Variants in ALK observed in about 807,000 individuals in gnomAD.
ALK encodes ALK tyrosine kinase receptor.
In ALK, 74 loss-of-function variants were observed where a neutral mutation model predicts 163.1. That is an observed-to-expected ratio of 0.45 (90% CI 0.38 to 0.55). The LOEUF (loss-of-function observed/expected upper bound fraction) is 0.55. Among genes scored for constraint, ALK ranks in the 20% least tolerant of loss-of-function variants. The pLI, the probability that ALK is intolerant of heterozygous loss-of-function variation, is 0.00. For synonymous variants in ALK, 960 were observed against 843.2 expected, an observed-to-expected ratio of 1.14 and a Z score of -2.40; for missense variants, 2,063 against 2,105.3, an observed-to-expected ratio of 0.98 and a Z score of 0.39.
chr2:29,920,158 A>G lies in ALK; in HGVS notation c.502T>C (p.Phe168Leu), dbSNP rs1374532256. The change falls in exon 1 of 29, where the codon TTC becomes CTC. Residue 168 changes from phenylalanine to leucine, a missense_variant. By Grantham distance (22) the Phe-to-Leu change is conservative (BLOSUM62 0). Coordinates refer to ENST00000389048, the MANE Select transcript of ALK (RefSeq NM_004304.5). The part of the protein sequence containing the change: ...PGEAAVGLLQ[F>L]NLSELFSWWI... ...CAACTGAACAGCTCGCTGAGATTGA[A>G]CTGGAGCAGCCCCACAGCCGCCTCC... The G allele has an allele frequency of 2.5e-6, 4 of 1,613,546 alleles. No homozygotes were observed. Among genetic ancestry groups the G allele is most frequent in the Non-Finnish European group, 2.5e-6 (3 of 1,180,004 alleles).
At chr2:29,458,383 C>T (rs1410197044) in intron 4 of ALK, among the ~76,000 whole-genome samples, 2 of 152,104 alleles carry the variant, frequency 1.3e-5, no homozygotes, top group Non-Finnish European at 2.9e-5. Context: ...TTACATAGAA[C>T]TTTGAAGCAT....
intron 1 of ALK, among the ~76,000 whole-genome samples, chr2:29,916,913 C>T (rs1409277255): frequency 6.6e-6 from 1 of 152,164 alleles, no homozygotes; most frequent in Non-Finnish European, 1.5e-5. Context: ...CCAGAAACTG[C>T]CTCTTCACCT....
At chr2:29,430,544 C>T (rs1437255223) in intron 4 of ALK, among the ~76,000 whole-genome samples, 1 of 152,078 alleles carries the variant, frequency 6.6e-6, no homozygotes, top group East Asian at 1.9e-4. Context: ...GGCTGTGTTC[C>T]AACAAAATTT....
chr2:29,367,731 AATTT>A (rs1005223870), intron 5 of ALK, among the ~76,000 whole-genome samples: 6 of 152,126 alleles, frequency 3.9e-5, no homozygotes, highest in African/African-American at 1.2e-4. Context: ...CCATTCTTGC[AATTT>A]ATTATTATTG....
At chr2:29,232,264 G>A (rs750402821) in intron 15 of ALK, 40 bp downstream of exon 15, 2 of 1,613,450 alleles carry the variant, frequency 1.2e-6, no homozygotes, top group Admixed American at 1.7e-5. Context: ...CTGAAGGCCT[G>A]GGAGAGGTTC....
chr2:29,227,685 C>T lies in ALK; in HGVS notation c.2816-13G>A. 2 of 1,611,104 alleles carry T rather than the reference C, an allele frequency of 1.2e-6. No homozygotes were observed. The highest frequency in any genetic ancestry group is 3.6e-4 in the Middle Eastern group (2 of 5,600). On this transcript the variant is annotated splice_polypyrimidine_tract_variant and intron_variant, in intron 16 of 28. Transcript: ENST00000389048. This position sits in a 1 kb window ranked among gnomAD's most constrained non-coding sequence, Gnocchi z 4.4. ...GCTGCATTGCCGCCTGAGTAGCAAA[C>T]CAGAGCAGAGTTTAACATGGGGGGT...
intron 11 of ALK, among the ~76,000 whole-genome samples, chr2:29,263,785 G>A (rs1254591570): frequency 6.6e-6 from 1 of 152,216 alleles, no homozygotes. Context: ...TCTCAGAGAT[G>A]TGAGTCTTGA....
chr2:29,589,752 T>A (rs1182733632), intron 3 of ALK, among the ~76,000 whole-genome samples: 2 of 152,080 alleles, frequency 1.3e-5, no homozygotes, highest in Admixed American at 1.3e-4. Context: ...TATGGATGAG[T>A]AACTGTATTT....
intron 13 of ALK, among the ~76,000 whole-genome samples, chr2:29,238,017 G>A (rs555217113): frequency 4.9e-4 from 75 of 152,214 alleles, no homozygotes; most frequent in African/African-American, 1.7e-3. Flanking sequence ...AAAGACGGAG[G>A]GCTGTGTATG....
rs1191864805 is a variant in ALK, at chr2:29,705,281, A to C, written c.788-10267T>G. Among the ~76,000 whole-genome samples, 81 of 27,214 alleles carry C rather than the reference A, an allele frequency of 3.0e-3. 2 individuals are homozygous for C. Among genetic ancestry groups the C allele is most frequent in the African/African-American group, 0.016 (73 of 4,644 alleles). 17.9% of individuals were successfully genotyped at this position (27,214 alleles called of 152,430 possible). A position where few individuals can be genotyped will look rare whatever the true frequency, so the allele number is the denominator to read the frequency against. ...TATATATATATATATATATATATAT[A>C]AATATATATCTGCTGTGATGATTGC... On this transcript the variant is annotated intron_variant, in intron 2 of 28. Coordinates refer to ENST00000389048, the MANE Select transcript of ALK (RefSeq NM_004304.5).
intron 3 of ALK, among the ~76,000 whole-genome samples, chr2:29,686,655 C>T (rs1162499158): frequency 6.6e-6 from 1 of 152,182 alleles, no homozygotes; most frequent in Non-Finnish European, 1.5e-5. Flanking sequence ...CCTTGCTCCA[C>T]ATGCCTATCT....
At position 29,274,951 on chromosome 2, in the gene ALK, ACC is replaced by A. The variant is rs1475914873; in HGVS notation, c.2041+146_2041+147del. 2.8e-6 allele frequency: 3 copies of A among 1,066,382 alleles called. No individual in the cohort carries two copies. In the African/African-American group the frequency reaches 4.7e-5, roughly 17 times the overall value. 66.1% of individuals were successfully genotyped at this position (1,066,382 alleles called of 1,614,324 possible). A position where few individuals can be genotyped will look rare whatever the true frequency, so the allele number is the denominator to read the frequency against. ...TGAGAACCAGACAGCTTCCCCTTGGACCCCATAGTCAGAGTGTAGGTGATACT... is the reference window on the plus strand; with the variant it reads ...TGAGAACCAGACAGCTTCCCCTTGGACCATAGTCAGAGTGTAGGTGATACT... On this transcript the variant is annotated intron_variant, in intron 11 of 28. Coordinates refer to ENST00000389048, the MANE Select transcript of ALK (RefSeq NM_004304.5).
chr2:29,221,837 C>T (rs530921971), intron 22 of ALK, among the ~76,000 whole-genome samples: 46 of 152,306 alleles, frequency 3.0e-4, no homozygotes, highest in East Asian at 9.7e-4. Flanking sequence ...TCACAGCGGA[C>T]GCCCTCAGGA....
At chr2:29,782,644 T>G (rs1427952011) in intron 1 of ALK, among the ~76,000 whole-genome samples, 1 of 152,082 alleles carries the variant, frequency 6.6e-6, no homozygotes, top group Non-Finnish European at 1.5e-5. Flanking sequence ...GGGAATACCT[T>G]TAGGAGGCAG....
chr2:29,520,926 C>A (rs774590064), intron 4 of ALK, among the ~76,000 whole-genome samples: 1 of 152,156 alleles, frequency 6.6e-6, no homozygotes, highest in Non-Finnish European at 1.5e-5. Flanking sequence ...TTCTCTCATC[C>A]GGGTCTTCAT....
At chr2:29,756,518 T>C (rs1193896615) in intron 1 of ALK, among the ~76,000 whole-genome samples, 1 of 145,364 alleles carries the variant, frequency 6.9e-6, no homozygotes, top group East Asian at 2.1e-4. Flanking sequence ...CAGTAGATCA[T>C]TTACTCATTG....
chr2:29,219,710 A>AGAT (rs1311406516), intron 23 of ALK, among the ~76,000 whole-genome samples: 2 of 152,124 alleles, frequency 1.3e-5, no homozygotes, highest in African/African-American at 4.8e-5. Flanking sequence ...ACCACCTTTG[A>AGAT]GATGTTCTAG....
chr2:29,617,050 G>T (rs1675866897), intron 3 of ALK, among the ~76,000 whole-genome samples: 1 of 152,036 alleles, frequency 6.6e-6, no homozygotes, highest in Non-Finnish European at 1.5e-5. Flanking sequence ...ACCTTCTGAG[G>T]CATAAAACAC....
intron 9 of ALK, among the ~76,000 whole-genome samples, chr2:29,296,241 C>G (rs911336240): frequency 2.6e-5 from 4 of 152,214 alleles, no homozygotes; most frequent in African/African-American, 7.2e-5. Context: ...CAAATAGGAA[C>G]TAAGACCACA....
Sources: allele counts gnomAD v4.1 joint callset (sites outside exome capture counted in the v4.1 genomes callset), GRCh38; gene constraint gnomAD v4.1.1; non-coding constraint Gnocchi (gnomAD v3.1); transcripts MANE v1.5; gene names NCBI Gene and HGNC (gene_info 2026-07-23, HGNC 2026-07-21).